Variants in FGGY observed in about 807,000 individuals in gnomAD.
FGGY encodes the protein FGGY carbohydrate kinase domain-containing protein.
Under a neutral mutation model 71.3 loss-of-function variants are expected in FGGY, and 72 were observed. The observed-to-expected ratio is 1.01, with a 90% CI of 0.84 to 1.23. The LOEUF is 1.23. Among genes scored for constraint, FGGY ranks in the 50% most tolerant of loss-of-function variants. FGGY has a pLI of 0.00. For synonymous variants in FGGY, 251 were observed against 250.3 expected (o/e 1.00, Z -0.02); for missense variants, 668 against 682.3 (o/e 0.98, Z 0.23).
At chr1:59,681,672 A>G (rs1218754646) in intron 14 of FGGY, among the ~76,000 whole-genome samples, 1 of 152,172 alleles carries the variant, frequency 6.6e-6, no homozygotes. Context: ...AAAATAACTC[A>G]TGAATAGCAA....
At chr1:59,626,132 C>A in intron 10 of FGGY, 83 bp downstream of exon 10, 1 of 1,088,548 alleles carries the variant, frequency 9.2e-7, no homozygotes, top group Non-Finnish European at 1.4e-6. Context: ...GGGTGATTTT[C>A]AGATCCTACA....
intron 14 of FGGY, among the ~76,000 whole-genome samples, chr1:59,697,457 T>C (rs2097671159): frequency 1.3e-5 from 2 of 152,208 alleles, no homozygotes; most frequent in East Asian, 3.8e-4. Context: ...GCATTTGTCT[T>C]TTGTTGACTG....
chr1:59,331,719 T>C (rs2153174156), intron 2 of FGGY: 1 of 152,328 alleles, frequency 6.6e-6, no homozygotes, highest in African/African-American at 2.4e-5. Flanking sequence ...AAAAAAGTTT[T>C]TCTCTCCATT....
chr1:59,363,507 T>G (rs2056003207), intron 4 of FGGY, among the ~76,000 whole-genome samples: 1 of 152,176 alleles, frequency 6.6e-6, no homozygotes, highest in Non-Finnish European at 1.5e-5. Context: ...GAAATTGAGA[T>G]GAAGAGTAGT....
chr1:59,441,905 G>A (rs1384491815), intron 5 of FGGY, among the ~76,000 whole-genome samples: 1 of 152,136 alleles, frequency 6.6e-6, no homozygotes, highest in Non-Finnish European at 1.5e-5. Flanking sequence ...TTGGTCCACT[G>A]CCTGAAATGT....
At chr1:59,677,266 G>T (rs974999275) in intron 14 of FGGY, among the ~76,000 whole-genome samples, 2 of 152,188 alleles carry the variant, frequency 1.3e-5, no homozygotes, top group African/African-American at 2.4e-5. Context: ...TCTTTTCTTT[G>T]AACTTCAGGG....
intron 14 of FGGY, among the ~76,000 whole-genome samples, chr1:59,741,582 T>C (rs1573922161): frequency 6.6e-6 from 1 of 152,022 alleles, no homozygotes; most frequent in East Asian, 1.9e-4. Flanking sequence ...AGCAGGAAGA[T>C]TGCTTGAGGC....
At chr1:59,473,010 T>C (rs1359231014) in intron 6 of FGGY, among the ~76,000 whole-genome samples, 1 of 152,158 alleles carries the variant, frequency 6.6e-6, no homozygotes, top group Non-Finnish European at 1.5e-5. Context: ...CACTCGGCTC[T>C]ACCAATCAGC....
chr1:59,541,738 A>T (rs1369816810), intron 7 of FGGY, among the ~76,000 whole-genome samples: 2 of 152,210 alleles, frequency 1.3e-5, no homozygotes, highest in African/African-American at 4.8e-5. Context: ...GTGTACTTCA[A>T]TGTACCAAAA....
chr1:59,627,109 GA>G (rs2096864304), intron 10 of FGGY, among the ~76,000 whole-genome samples: 1 of 151,938 alleles, frequency 6.6e-6, no homozygotes, highest in Non-Finnish European at 1.5e-5. Flanking sequence ...TGGGCAAAAT[GA>G]AATGCACACA....
intron 13 of FGGY, among the ~76,000 whole-genome samples, chr1:59,669,945 A>G (rs2097362833): frequency 6.6e-6 from 1 of 152,174 alleles, no homozygotes; most frequent in Non-Finnish European, 1.5e-5. Flanking sequence ...GCGGCTTCAC[A>G]GAAAGTTCTG....
intron 8 of FGGY, among the ~76,000 whole-genome samples, chr1:59,576,057 T>C (rs2096070259): frequency 6.6e-6 from 1 of 152,200 alleles, no homozygotes; most frequent in Non-Finnish European, 1.5e-5. Flanking sequence ...TCTGGTATTA[T>C]GCTGAACAGT....
At chr1:59,377,878 A>G (rs985349899) in intron 4 of FGGY, among the ~76,000 whole-genome samples, 1 of 152,226 alleles carries the variant, frequency 6.6e-6, no homozygotes, top group African/African-American at 2.4e-5. Flanking sequence ...CCATTTTGCA[A>G]TACAGAGAAC....
At position 59,538,780 on chromosome 1, in the gene FGGY, G is replaced by A. The variant is rs567034163; in HGVS notation, c.800-15344G>A. ...AAATACCGCATATTCTCACTCATAG[G>A]TGGGAATTGAACAATGAGAACACAT... On this transcript the variant is annotated intron_variant, in intron 7 of 15. Coordinates refer to ENST00000303721, the MANE Select transcript of FGGY (RefSeq NM_018291.5). 2.7e-5 allele frequency among the ~76,000 whole-genome samples: 4 copies of A among 147,998 alleles called. No individual in the cohort carries two copies. The East Asian group carries it at 8.0e-4, about 30-fold the overall frequency.
At position 59,702,579 on chromosome 1, in the gene FGGY, G is replaced by A. The variant is rs550935982; in HGVS notation, c.1512+28446G>A. ...AGTTAAAATGTCAAGGGTGTTCATA[G>A]AAGAGAGAGAGGCTGTTAATGTGGT... On this transcript the variant is annotated intron_variant, in intron 14 of 15. Transcript: ENST00000303721. 9.2e-5 allele frequency among the ~76,000 whole-genome samples: 14 copies of A among 152,284 alleles called. 1 individual carries two copies. The highest frequency in any genetic ancestry group is 1.3e-4 in the Non-Finnish European group (9 of 68,026).
At chr1:59,689,707 C>T (rs2097573913) in intron 14 of FGGY, among the ~76,000 whole-genome samples, 1 of 152,162 alleles carries the variant, frequency 6.6e-6, no homozygotes, top group South Asian at 2.1e-4. Context: ...GAAGGGAATA[C>T]TCTTTAAATG....
intron 8 of FGGY, among the ~76,000 whole-genome samples, chr1:59,591,558 C>T (rs530086293): frequency 8.5e-5 from 13 of 152,216 alleles, no homozygotes; most frequent in Admixed American, 4.6e-4. Flanking sequence ...GCTACAGTAA[C>T]CAAAAGAGCA....
chr1:59,578,252 C>G (rs1539597), intron 8 of FGGY, among the ~76,000 whole-genome samples: 31,358 of 152,018 alleles, frequency 0.21, 4,588 homozygotes, highest in African/African-American at 0.41. Context: ...CAGAGCAGGA[C>G]TTGATCACCT....
chr1:59,726,149 T>G (rs182307495), intron 14 of FGGY, among the ~76,000 whole-genome samples: 1 of 152,064 alleles, frequency 6.6e-6, no homozygotes, highest in African/African-American at 2.4e-5. Context: ...ATTGTTAGAT[T>G]TTTTTGAAAT....
Sources: gnomAD v4.1 joint callset for allele counts (sites outside exome capture counted in the v4.1 genomes callset) on GRCh38, gnomAD v4.1.1 for gene constraint, MANE v1.5 for transcripts, NCBI Gene and HGNC (gene_info 2026-07-23, HGNC 2026-07-21) for gene names.